Variants in RNF150 observed in about 807,000 individuals in gnomAD.
The protein encoded by RNF150 is ring finger protein 150.
Under a neutral mutation model 39.3 loss-of-function variants are expected in RNF150, and 24 were observed. The ratio of observed to expected loss-of-function variants is 0.61; its 90% confidence interval spans 0.44 to 0.86. The LOEUF (loss-of-function observed/expected upper bound fraction) is 0.86, where lower values mean the gene tolerates loss of function less well. Ranked by LOEUF, RNF150 falls within the 40% of genes least tolerant of loss-of-function variation. RNF150 has a pLI of 0.00. For synonymous variants in RNF150, 255 were observed against 227.3 expected, an observed-to-expected ratio of 1.12 and a Z score of -1.10; for missense variants, 502 against 587.8, an observed-to-expected ratio of 0.85 and a Z score of 1.51.
chr4:141,136,142 AT>A (rs1409104173), upstream of RNF150, among the ~76,000 whole-genome samples: 1 of 152,224 alleles, frequency 6.6e-6, no homozygotes, highest in East Asian at 1.9e-4. Flanking sequence ...AATATCCCAG[AT>A]TGGCTCCTAG....
intron 1 of RNF150, among the ~76,000 whole-genome samples, chr4:141,206,560 T>G (rs1045357635): frequency 6.6e-6 from 1 of 150,994 alleles, no homozygotes; most frequent in African/African-American, 2.4e-5. Flanking sequence ...TAGATACCAA[T>G]AGATTCAAAA....
At position 141,176,523 on chromosome 4, in the gene RNF150, A is replaced by T. The variant is rs1560768992; in HGVS notation, c.-6+36271T>A. 3.3e-5 allele frequency among the ~76,000 whole-genome samples: 5 copies of T among 152,224 alleles called. No homozygotes were observed. In the South Asian group the frequency reaches 1.0e-3, roughly 32 times the overall value. Reference sequence around the variant, plus strand: ...AAACTAAAGTTTAGCCACTCATCTAACAATAAAGCACAAAGCAGGTAAAAA... The same window carrying T: ...AAACTAAAGTTTAGCCACTCATCTATCAATAAAGCACAAAGCAGGTAAAAA... On this transcript the variant is annotated intron_variant, in intron 1 of 7. Coordinates refer to the RNF150 transcript ENST00000420921.
In RNF150 at chr4:140,967,683, T is replaced by A. The variant is rs201733358; in HGVS notation, c.675A>T (p.Ala225=). The stretch of plus-strand genomic sequence containing the variant: ...TCTGGATGTAATAAAAGACGAGCCA[T>A]GCGAGGGAAATGATCATCAGGACAA... The part of the protein sequence containing the change: ...SFIVLMIISL[A]WLVFYYIQRF... The change falls in exon 2 of 7, where the codon GCA becomes GCT. Residue 225 remains alanine (A), a synonymous_variant. Coordinates refer to ENST00000515673, the MANE Select transcript of RNF150 (RefSeq NM_020724.2). 69 of 1,613,454 alleles carry A rather than the reference T, an allele frequency of 4.3e-5. No individual in the cohort carries two copies. The East Asian group carries it at 1.4e-3, about 34-fold the overall frequency.
In RNF150 at chr4:141,132,954, C is replaced by G; in HGVS notation, c.-146G>C. 1.6e-6 allele frequency: 1 copy of G among 612,208 alleles called. No individual in the cohort carries two copies. Among genetic ancestry groups the G allele is most frequent in the Non-Finnish European group, 2.7e-6 (1 of 369,090 alleles). 37.9% of individuals were successfully genotyped at this position (612,208 alleles called of 1,614,324 possible). A position where few individuals can be genotyped will look rare whatever the true frequency, so the allele number is the denominator to read the frequency against. On this transcript the variant is annotated 5_prime_UTR_variant, in exon 1 of 7. Coordinates refer to ENST00000515673, the MANE Select transcript of RNF150 (RefSeq NM_020724.2). This position sits in a 1 kb window ranked among gnomAD's most constrained non-coding sequence, Gnocchi z 4.9. Reference sequence around the variant, plus strand: ...GAGGGGCCGCGGCCGGGACGCGCAGCCGCCGCGGGGACCGGATTCCGGGCG... The same window carrying G: ...GAGGGGCCGCGGCCGGGACGCGCAGGCGCCGCGGGGACCGGATTCCGGGCG...
intron 1 of RNF150, among the ~76,000 whole-genome samples, chr4:141,094,249 C>T (rs1228749815): frequency 1.3e-5 from 2 of 152,112 alleles, no homozygotes; most frequent in Non-Finnish European, 2.9e-5. Flanking sequence ...GATCTACACC[C>T]ATAAATTCAA....
At chr4:140,912,484 T>C (rs887882294) in intron 5 of RNF150, among the ~76,000 whole-genome samples, 4 of 152,152 alleles carry the variant, frequency 2.6e-5, no homozygotes, top group Admixed American at 1.3e-4. Context: ...TTGATAATGA[T>C]TGAATTAATA....
At chr4:140,971,746 G>A (rs1733472814) in intron 1 of RNF150, among the ~76,000 whole-genome samples, 1 of 152,084 alleles carries the variant, frequency 6.6e-6, no homozygotes, top group Admixed American at 6.6e-5. Context: ...CAAAACAGAA[G>A]TTCACAAAGC....
chr4:141,032,772 A>T (rs1490489983), intron 1 of RNF150, among the ~76,000 whole-genome samples: 2 of 152,162 alleles, frequency 1.3e-5, no homozygotes, highest in African/African-American at 2.4e-5. Flanking sequence ...AGTCACACAA[A>T]TTTTTTGGTT....
chr4:141,140,955 G>T lies in RNF150; in HGVS notation c.-6+71839C>A, dbSNP rs565802082. On this transcript the variant is annotated intron_variant, in intron 1 of 7. Coordinates refer to the RNF150 transcript ENST00000420921. ...TTAATCCCAGCTCTGTGCCTAATTT[G>T]CTATTTAGGTCAAGACTGCAGCATG... 2.6e-5 allele frequency among the ~76,000 whole-genome samples: 4 copies of T among 152,258 alleles called. No homozygotes were observed. The South Asian group carries it at 8.3e-4, about 32-fold the overall frequency.
Position 140,883,124 on chromosome 4 carries a change from T to C in RNF150, c.1199-14745A>G, listed in dbSNP as rs148107580. On this transcript the variant is annotated intron_variant, in intron 6 of 6. Transcript: ENST00000515673. ...ATAAAACATGTCAGAGTTATAATAA[T>C]CTATTTTAAGCAGATAATGCCACAT... is the stretch of plus-strand genomic sequence containing the variant. Among the ~76,000 whole-genome samples the C allele has an allele frequency of 4.8e-3, 735 of 152,284 alleles. 8 individuals are homozygous for C. The highest frequency in any genetic ancestry group is 0.014 in the Middle Eastern group (4 of 294).
chr4:140,960,711 AAG>A (rs1732986401), intron 2 of RNF150, among the ~76,000 whole-genome samples: 1 of 152,162 alleles, frequency 6.6e-6, no homozygotes, highest in Non-Finnish European at 1.5e-5. Context: ...CTCTTGAGTA[AAG>A]ATGGAAGATT....
chr4:141,074,839 T>G (rs1290464214), intron 1 of RNF150, among the ~76,000 whole-genome samples: 1 of 152,166 alleles, frequency 6.6e-6, no homozygotes, highest in East Asian at 1.9e-4. Context: ...CAACCAAGAC[T>G]CTAGCCATTA....
At chr4:141,146,586 T>TCA (rs5862512) in intron 1 of RNF150, among the ~76,000 whole-genome samples, 150,327 of 152,188 alleles carry the variant, frequency 0.99, 74,283 homozygotes, top group East Asian at 1. Flanking sequence ...GCAATATGTC[T>TCA]CAGAAAAACT....
chr4:141,194,156 A>T (rs1376079388), intron 1 of RNF150, among the ~76,000 whole-genome samples: 1 of 152,212 alleles, frequency 6.6e-6, no homozygotes, highest in African/African-American at 2.4e-5. Context: ...AAAAAATCTG[A>T]CAGGTACCCA....
chr4:141,203,040 G>A (rs1728313874), intron 1 of RNF150, among the ~76,000 whole-genome samples: 2 of 142,146 alleles, frequency 1.4e-5, no homozygotes, highest in South Asian at 4.5e-4. Flanking sequence ...AATGAGTTGG[G>A]TGTCCTCTTG....
At chr4:141,175,082 A>C (rs914464505) in intron 1 of RNF150, among the ~76,000 whole-genome samples, 2 of 152,178 alleles carry the variant, frequency 1.3e-5, no homozygotes, top group Non-Finnish European at 2.9e-5. Context: ...GTTTCAGAAG[A>C]CCTCAAGGTG....
At chr4:141,053,031 A>ACC (rs975299490) in intron 1 of RNF150, among the ~76,000 whole-genome samples, 1 of 152,154 alleles carries the variant, frequency 6.6e-6, no homozygotes, top group Non-Finnish European at 1.5e-5. Flanking sequence ...TAATAACCAC[A>ACC]CCCACCTAAT....
chr4:140,884,504 T>C (rs756129834), intron 6 of RNF150, among the ~76,000 whole-genome samples: 1 of 152,132 alleles, frequency 6.6e-6, no homozygotes, highest in Non-Finnish European at 1.5e-5. Flanking sequence ...TTTCTGAGGA[T>C]GTGTGCTTTC....
rs575261297 is a variant in RNF150, at chr4:141,054,358, C to T, written c.484+77967G>A. Among the ~76,000 whole-genome samples the T allele has an allele frequency of 4.6e-5, 7 of 152,106 alleles. No homozygotes were observed. In the East Asian group the frequency reaches 7.7e-4, roughly 17 times the overall value. ...TTTTGCACAAAGTTTAAATGTTGTTCGACTATTTCCTGTAGATTAATTCAA... is the reference window on the plus strand; with the variant it reads ...TTTTGCACAAAGTTTAAATGTTGTTTGACTATTTCCTGTAGATTAATTCAA... On this transcript the variant is annotated intron_variant, in intron 1 of 6. Coordinates refer to ENST00000515673, the MANE Select transcript of RNF150 (RefSeq NM_020724.2).
Sources: allele counts gnomAD v4.1 joint callset (sites outside exome capture counted in the v4.1 genomes callset), GRCh38; gene constraint gnomAD v4.1.1; non-coding constraint Gnocchi (gnomAD v3.1); transcripts MANE v1.5; gene names NCBI Gene and HGNC (gene_info 2026-07-23, HGNC 2026-07-21).